Variants in RBFOX1 observed in about 807,000 individuals in gnomAD.
RBFOX1 encodes RNA binding protein fox-1 homolog 1.
A neutral mutation model predicts 57.7 loss-of-function variants in RBFOX1; 8 were observed. That is an observed-to-expected ratio of 0.14 (90% CI 0.08 to 0.25). The LOEUF is 0.25. RBFOX1 is among the 10% of genes least tolerant of loss of function. The probability of loss-of-function intolerance (pLI) is 1.00; values close to 1 mark genes in which losing one functional copy is unlikely to be tolerated. For missense variants in RBFOX1, 611 were observed against 548.5 expected (o/e 1.11, Z -1.14); for synonymous variants, 326 against 222.4 (o/e 1.47, Z -4.15).
chr16:6,623,322 G>A (rs62015541), intron 2 of RBFOX1, among the ~76,000 whole-genome samples: 71,037 of 151,946 alleles, frequency 0.47, 16,909 homozygotes, highest in South Asian at 0.65. Context: ...GTGGGGAGCA[G>A]AGATGCTGAG....
intron 4 of RBFOX1, among the ~76,000 whole-genome samples, chr16:7,234,831 T>C (rs754783419): frequency 1.3e-5 from 2 of 152,134 alleles, no homozygotes; most frequent in Non-Finnish European, 2.9e-5. Context: ...ACCCCATTTT[T>C]GGTACGTGGA....
At chr16:5,481,565 A>G (rs4404071) in intron 2 of RBFOX1, among the ~76,000 whole-genome samples, 106,143 of 152,142 alleles carry the variant, frequency 0.7, 37,601 homozygotes, top group East Asian at 0.79. Context: ...TCATCTCTAC[A>G]TGATGCATAG....
chr16:6,053,925 A>G (rs2095583174), intron 1 of RBFOX1, among the ~76,000 whole-genome samples: 1 of 152,060 alleles, frequency 6.6e-6, no homozygotes, highest in Admixed American at 6.6e-5. Context: ...GCATGGTGGC[A>G]TGTACCTGTA....
chr16:6,265,888 G>C (rs2074425009), intron 1 of RBFOX1, among the ~76,000 whole-genome samples: 1 of 152,082 alleles, frequency 6.6e-6, no homozygotes, highest in African/African-American at 2.4e-5. Flanking sequence ...TGAAAACCCT[G>C]TCTTCCTAGA....
intron 4 of RBFOX1, among the ~76,000 whole-genome samples, chr16:7,237,429 A>T (rs1168931330): frequency 6.6e-6 from 1 of 152,226 alleles, no homozygotes; most frequent in African/African-American, 2.4e-5. Flanking sequence ...TTGTCTCTGG[A>T]CCAGGCACTG....
At chr16:5,786,468 G>C (rs185505061) in intron 3 of RBFOX1, among the ~76,000 whole-genome samples, 5 of 152,306 alleles carry the variant, frequency 3.3e-5, no homozygotes, top group Admixed American at 2.6e-4. Flanking sequence ...TGACAAGAGA[G>C]TGTAACGAAG....
chr16:6,975,555 C>A (rs895461859), intron 3 of RBFOX1, among the ~76,000 whole-genome samples: 1 of 152,194 alleles, frequency 6.6e-6, no homozygotes, highest in Non-Finnish European at 1.5e-5. Flanking sequence ...GCGTGAGCCA[C>A]TGCACCTGGC....
Position 7,074,903 on chromosome 16 carries a change from A to G in RBFOX1, c.27+22805A>G, listed in dbSNP as rs115157288. On this transcript the variant is annotated intron_variant, in intron 4 of 15. Coordinates refer to ENST00000550418, the MANE Select transcript of RBFOX1 (RefSeq NM_018723.4). Reference sequence around the variant, plus strand: ...ACTAAGTTCTCTAAAGCCATCCCCCAGTGAGACATTGTGAAAACTTCTGGG... The same window carrying G: ...ACTAAGTTCTCTAAAGCCATCCCCCGGTGAGACATTGTGAAAACTTCTGGG... Among the ~76,000 whole-genome samples, 788 of 152,300 alleles carry G rather than the reference A, an allele frequency of 5.2e-3. 6 individuals carry two copies. The highest frequency in any genetic ancestry group is 0.018 in the African/African-American group (762 of 41,554).
At chr16:6,598,946 A>G (rs2097810748) in intron 2 of RBFOX1, among the ~76,000 whole-genome samples, 1 of 136,124 alleles carries the variant, frequency 7.3e-6, no homozygotes, top group South Asian at 2.1e-4. Flanking sequence ...ACTCCATGTT[A>G]AAAACAAAAC....
chr16:6,939,796 G>A lies in RBFOX1; in HGVS notation c.-15-112261G>A, dbSNP rs185293882. Among the ~76,000 whole-genome samples the A allele has an allele frequency of 4.8e-4, 73 of 152,238 alleles. 1 individual carries two copies. The highest frequency in any genetic ancestry group is 1.7e-3 in the African/African-American group (72 of 41,546). On this transcript the variant is annotated intron_variant, in intron 3 of 15. Transcript: ENST00000550418. ...CATAGTGCTGGGATTACAGATGTCAGCCATCATGCTGGACCAGAATTTTTC... is the reference window on the plus strand; with the variant it reads ...CATAGTGCTGGGATTACAGATGTCAACCATCATGCTGGACCAGAATTTTTC...
At chr16:7,000,200 T>C (rs139155470) in intron 3 of RBFOX1, among the ~76,000 whole-genome samples, 67 of 152,328 alleles carry the variant, frequency 4.4e-4, no homozygotes, top group African/African-American at 1.6e-3. Context: ...AGCGTTATTA[T>C]GCCTTGAAAG....
intron 4 of RBFOX1, among the ~76,000 whole-genome samples, chr16:7,217,030 TCCCTCCCTCCCTC>T (rs2092196643): frequency 2.1e-5 from 1 of 47,204 alleles, no homozygotes; most frequent in Non-Finnish European, 4.2e-5. Context: ...CCTCCCTCCC[TCCCTCCCTCCCTC>T]CCTCCCTCCC....
intron 3 of RBFOX1, among the ~76,000 whole-genome samples, chr16:5,718,017 G>C (rs949235845): frequency 3.9e-5 from 6 of 152,206 alleles, no homozygotes; most frequent in African/African-American, 1.2e-4. Flanking sequence ...ATGATGAGCA[G>C]AGTGGACTTC....
intron 1 of RBFOX1, among the ~76,000 whole-genome samples, chr16:6,308,348 G>C (rs1440120825): frequency 6.6e-6 from 1 of 152,168 alleles, no homozygotes; most frequent in Non-Finnish European, 1.5e-5. Flanking sequence ...ATGTTCTTGA[G>C]CTTGCAAGCC....
chr16:7,493,221 T>C (rs1242524215), intron 4 of RBFOX1, among the ~76,000 whole-genome samples: 1 of 151,852 alleles, frequency 6.6e-6, no homozygotes, highest in East Asian at 1.9e-4. Flanking sequence ...CTCAGGGATT[T>C]CAAGAACAGA....
chr16:6,858,471 C>T (rs1452039523), intron 3 of RBFOX1, among the ~76,000 whole-genome samples: 1 of 152,124 alleles, frequency 6.6e-6, no homozygotes, highest in African/African-American at 2.4e-5. Flanking sequence ...AGGCATAGCA[C>T]TTTGGTTTCC....
chr16:6,941,798 G>C (rs1408469697), intron 3 of RBFOX1, among the ~76,000 whole-genome samples: 1 of 152,098 alleles, frequency 6.6e-6, no homozygotes, highest in African/African-American at 2.4e-5. Flanking sequence ...CACCCTATTG[G>C]AGGACCTAAC....
chr16:6,450,802 TATATATATATATATAC>T lies in RBFOX1; in HGVS notation c.-64+133761_-64+133776del. Among the ~76,000 whole-genome samples the T allele has an allele frequency of 2.0e-4, 2 of 10,222 alleles. 1 individual carries two copies. The highest frequency in any genetic ancestry group is 3.1e-4 in the Non-Finnish European group (2 of 6,360). The allele number at this position is 10,222 out of a possible 152,430, so 6.7% of individuals were successfully genotyped here. ...ATATATATATATACATATATATATG[TATATATATATATATAC>T]ATATATATATATATATATGTGTATA... On this transcript the variant is annotated intron_variant, in intron 2 of 15. Coordinates refer to ENST00000550418, the MANE Select transcript of RBFOX1 (RefSeq NM_018723.4).
At position 6,169,249 on chromosome 16, in the gene RBFOX1, G is replaced by A. The variant is rs543575145; in HGVS notation, c.-126-147746G>A. ...AAAGCAAGAGTAGAACTCGGCAAAT[G>A]TGGAAGTTAAAGATAAAATGTGGCC... On this transcript the variant is annotated intron_variant, in intron 1 of 15. Coordinates refer to ENST00000550418, the MANE Select transcript of RBFOX1 (RefSeq NM_018723.4). Among the ~76,000 whole-genome samples the A allele has an allele frequency of 2.0e-5, 3 of 151,954 alleles. No homozygotes were observed. The East Asian group carries it at 5.8e-4, about 29-fold the overall frequency.
Sources: gnomAD v4.1 joint callset for allele counts (sites outside exome capture counted in the v4.1 genomes callset) on GRCh38, gnomAD v4.1.1 for gene constraint, MANE v1.5 for transcripts, NCBI Gene and HGNC (gene_info 2026-07-23, HGNC 2026-07-21) for gene names.